Variants in ANKRD45 observed in about 807,000 individuals in gnomAD.
The protein encoded by ANKRD45 is ankyrin repeat domain 45, also known as ankyrin repeat domain-containing protein 45.
ANKRD45 carries 21 observed loss-of-function variants against 28.1 expected under a neutral mutation model. The ratio of observed to expected loss-of-function variants is 0.75; its 90% CI spans 0.53 to 1.08. The LOEUF is 1.08. Among genes scored for constraint, ANKRD45 ranks in the 50% least tolerant of loss-of-function variants. The probability of loss-of-function intolerance (pLI) is 0.00; values close to 1 mark genes in which losing one functional copy is unlikely to be tolerated. For synonymous variants in ANKRD45, 86 were observed against 103.9 expected (o/e 0.83, Z 1.05); for missense variants, 261 against 308.7 (o/e 0.85, Z 1.16).
the ANKRD45 span, among the ~76,000 whole-genome samples, chr1:173,691,770 G>T: frequency 6.6e-6 from 1 of 152,188 alleles, no homozygotes; most frequent in South Asian, 2.1e-4. Context: ...CTGGGCGACA[G>T]AGAGAGACTC....
intron 3 of ANKRD45, among the ~76,000 whole-genome samples, chr1:173,634,037 A>C (rs1668306253): frequency 2.0e-5 from 3 of 152,062 alleles, no homozygotes. Context: ...ACAATCAACG[A>C]AGTGAAGAGG....
chr1:173,611,410 G>C (rs1667142949), intron 5 of ANKRD45, among the ~76,000 whole-genome samples: 1 of 152,124 alleles, frequency 6.6e-6, no homozygotes, highest in Non-Finnish European at 1.5e-5. Flanking sequence ...ATTCATGTTA[G>C]TTCTAGATGG....
intron 3 of ANKRD45, among the ~76,000 whole-genome samples, chr1:173,627,494 T>C (rs962242898): frequency 1.6e-4 from 24 of 152,260 alleles, no homozygotes; most frequent in South Asian, 8.3e-4. Context: ...TGTGGGACTT[T>C]GCACTACAGC....
intron 2 of ANKRD45, among the ~76,000 whole-genome samples, chr1:173,647,556 T>C (rs942908232): frequency 6.6e-6 from 1 of 152,212 alleles, no homozygotes; most frequent in Admixed American, 6.5e-5. Context: ...GTGACTATCA[T>C]GAGGTATAAT....
intron 5 of ANKRD45, among the ~76,000 whole-genome samples, chr1:173,611,636 C>T (rs1176413386): frequency 1.3e-5 from 2 of 149,688 alleles, no homozygotes; most frequent in African/African-American, 4.9e-5. Context: ...AAATATATAT[C>T]TCAAAATACA....
At chr1:173,624,754 T>G in intron 5 of ANKRD45, 33 bp downstream of exon 5, 3 of 1,594,330 alleles carry the variant, frequency 1.9e-6, no homozygotes, top group Non-Finnish European at 2.6e-6. Context: ...TCATCCCTTC[T>G]GACATTCAAA....
intron 3 of ANKRD45, among the ~76,000 whole-genome samples, chr1:173,636,311 C>T (rs1163756610): frequency 6.6e-6 from 1 of 152,176 alleles, no homozygotes; most frequent in Non-Finnish European, 1.5e-5. Flanking sequence ...ATTAGAACAA[C>T]TTTCTGAGAA....
chr1:173,681,853 C>A, the ANKRD45 span, among the ~76,000 whole-genome samples: 1 of 151,836 alleles, frequency 6.6e-6, no homozygotes, highest in Non-Finnish European at 1.5e-5. Context: ...AGATCAAGAC[C>A]ATCCTGGCCA....
intron 2 of ANKRD45, among the ~76,000 whole-genome samples, chr1:173,653,500 G>C (rs964600253): frequency 4.6e-5 from 7 of 152,144 alleles, no homozygotes; most frequent in Non-Finnish European, 1.0e-4. Context: ...CATTTGCTCA[G>C]GAGTGCTTTA....
chr1:173,635,667 G>T (rs1025092775), intron 3 of ANKRD45: 18 of 1,535,506 alleles, frequency 1.2e-5, no homozygotes, highest in Non-Finnish European at 1.4e-5. Context: ...AAAGTTAAGG[G>T]TTCTCCATCT....
chr1:173,710,093 G>C, the ANKRD45 span, among the ~76,000 whole-genome samples: 1 of 152,216 alleles, frequency 6.6e-6, no homozygotes, highest in Non-Finnish European at 1.5e-5. Flanking sequence ...GGGAGGCCAA[G>C]GTGAGAGGAT....
At position 173,652,705 on chromosome 1, in the gene ANKRD45, G is replaced by A. The variant is rs554936503; in HGVS notation, c.329-5692C>T. Among the ~76,000 whole-genome samples the A allele has an allele frequency of 7.9e-5, 12 of 152,202 alleles. No homozygotes were observed. The East Asian group carries it at 1.2e-3, about 15-fold the overall frequency. On this transcript the variant is annotated intron_variant, in intron 2 of 5. Transcript: ENST00000333279. ...CCTCCTTGTAACTCTGGTAGAATTC[G>A]GCTGTCAATCCATCTGCTCCTAGAC... is the stretch of plus-strand genomic sequence containing the variant.
the ANKRD45 span, among the ~76,000 whole-genome samples, chr1:173,692,720 T>C: frequency 6.6e-6 from 1 of 152,232 alleles, no homozygotes; most frequent in Non-Finnish European, 1.5e-5. Context: ...CCACTATATC[T>C]GAGTGTTTAA....
chr1:173,712,625 C>T, the ANKRD45 span, among the ~76,000 whole-genome samples: 5 of 152,270 alleles, frequency 3.3e-5, 1 homozygote, highest in South Asian at 8.3e-4. Flanking sequence ...TCTGCGTGCA[C>T]ACCCCAAAGA....
At position 173,647,951 on chromosome 1, in the gene ANKRD45, T is replaced by A. The variant is rs143021777; in HGVS notation, c.329-938A>T. ...GGCTCATGCCAGCATGCCCAGATAT[T>A]TTTTTTTTTTTAGATGGAGTCTTTC... On this transcript the variant is annotated intron_variant, in intron 2 of 5. Coordinates refer to ENST00000333279, the MANE Select transcript of ANKRD45 (RefSeq NM_198493.3). Among the ~76,000 whole-genome samples the A allele has an allele frequency of 1.7e-3, 244 of 146,768 alleles. 5 individuals carry two copies. The East Asian group carries it at 0.037, about 23-fold the overall frequency.
intron 1 of ANKRD45, chr1:173,669,476 G>C (rs1203523508): frequency 2.6e-5 from 12 of 455,746 alleles, no homozygotes; most frequent in African/African-American, 4.0e-5. Context: ...TGGGCACACA[G>C]AGTTAAACAA....
intron 2 of ANKRD45, chr1:173,658,479 A>G (rs1669642424): frequency 6.6e-6 from 1 of 152,206 alleles, no homozygotes; most frequent in Non-Finnish European, 1.5e-5. Flanking sequence ...GACTTCCTTT[A>G]TGGCTCAACA....
chr1:173,614,003 T>C (rs559770116), intron 5 of ANKRD45, among the ~76,000 whole-genome samples: 2 of 152,292 alleles, frequency 1.3e-5, no homozygotes, highest in African/African-American at 4.8e-5. Context: ...ATGTGCTGTG[T>C]CCACTCAGGG....
chr1:173,682,579 G>GA, the ANKRD45 span, among the ~76,000 whole-genome samples: 1 of 150,354 alleles, frequency 6.7e-6, no homozygotes, highest in Non-Finnish European at 1.5e-5. Context: ...AGTAAATGAA[G>GA]AAAAAAGAAT....
Sources: allele counts gnomAD v4.1 joint callset (sites outside exome capture counted in the v4.1 genomes callset), GRCh38; gene constraint gnomAD v4.1.1; transcripts MANE v1.5; gene names NCBI Gene and HGNC (gene_info 2026-07-23, HGNC 2026-07-21).